The following SNX13 variants were observed in gnomAD, a reference collection of about 807,000 sequenced individuals.
SNX13 encodes the protein sorting nexin-13.
A neutral mutation model predicts 133.6 loss-of-function variants in SNX13; 45 were observed. The ratio of observed to expected loss-of-function variants is 0.34; its 90% confidence interval spans 0.27 to 0.43. The LOEUF is 0.43. Ranked by LOEUF, SNX13 falls within the 20% of genes least tolerant of loss-of-function variation. The probability of loss-of-function intolerance (pLI) is 1.00; values close to 1 mark genes in which losing one functional copy is unlikely to be tolerated. For synonymous variants in SNX13, 414 were observed against 373.9 expected (o/e 1.11, Z -1.24); for missense variants, 1,032 against 1,145.1 (o/e 0.90, Z 1.43).
In SNX13 at chr7:17,931,194, C is replaced by T. The variant is rs555258532; in HGVS notation, c.12+9090G>A. Among the ~76,000 whole-genome samples the T allele has an allele frequency of 1.8e-4, 28 of 152,236 alleles. No homozygotes were observed. In the South Asian group the frequency reaches 1.9e-3, roughly 10 times the overall value. On this transcript the variant is annotated intron_variant, in intron 1 of 25. Transcript: ENST00000428135. The stretch of plus-strand genomic sequence containing the variant: ...AAATAGCTGATTATATTAATAGTTG[C>T]AGTCTGAATTAAACACCAGTTGTGT...
intron 5 of SNX13, among the ~76,000 whole-genome samples, chr7:17,887,789 G>A (rs1487522891): frequency 1.3e-5 from 2 of 150,704 alleles, no homozygotes; most frequent in African/African-American, 2.4e-5. Context: ...GAAATCATGG[G>A]TTCTAAACAT....
rs1019845463 is a variant in SNX13 at position 17,837,584 on chromosome 7, A to G, written c.1359+2223T>C. Among the ~76,000 whole-genome samples, 16 of 152,174 alleles carry G rather than the reference A, an allele frequency of 1.1e-4. No homozygotes were observed. In the South Asian group the frequency reaches 1.4e-3, roughly 14 times the overall value. On this transcript the variant is annotated intron_variant, in intron 13 of 25. Coordinates refer to ENST00000428135, the MANE Select transcript of SNX13 (RefSeq NM_015132.5). ...TATATATGGCTTGTTTGGTAGGTAGATCAACTGTTTGTCAATCAGGTCTTT... is the reference window on the plus strand; with the variant it reads ...TATATATGGCTTGTTTGGTAGGTAGGTCAACTGTTTGTCAATCAGGTCTTT...
rs111263894 is a variant in SNX13, at chr7:17,846,198, T to C, written c.1066-504A>G. ...TTCCAGACTCTCTAAACAGTGAATT[T>C]CAGACATACTTTTCAAAGTCACAGA... is the stretch of plus-strand genomic sequence containing the variant. On this transcript the variant is annotated intron_variant, in intron 11 of 25. Transcript: ENST00000428135. Among the ~76,000 whole-genome samples the C allele has an allele frequency of 1.7e-3, 256 of 152,136 alleles. 3 individuals are homozygous for C. Among genetic ancestry groups the C allele is most frequent in the African/African-American group, 5.7e-3 (238 of 41,504 alleles).
At chr7:17,882,847 C>A (rs964302648) in intron 5 of SNX13, 6 of 1,283,348 alleles carry the variant, frequency 4.7e-6, no homozygotes, top group Non-Finnish European at 6.1e-6. Flanking sequence ...ACAGTGAGAC[C>A]AAGGTTTTGT....
intron 5 of SNX13, among the ~76,000 whole-genome samples, chr7:17,878,850 T>C (rs539064669): frequency 4.0e-4 from 61 of 152,298 alleles, no homozygotes; most frequent in Non-Finnish European, 7.2e-4. Flanking sequence ...ATTTGTCAAG[T>C]GCAAATATGC....
intron 13 of SNX13, among the ~76,000 whole-genome samples, chr7:17,839,500 T>C (rs997700032): frequency 6.6e-6 from 1 of 151,934 alleles, no homozygotes; most frequent in Admixed American, 6.6e-5. Flanking sequence ...TATATATACG[T>C]ACTCTCTTTT....
chr7:17,919,957 C>A (rs1285539695), intron 1 of SNX13, among the ~76,000 whole-genome samples: 1 of 151,826 alleles, frequency 6.6e-6, no homozygotes, highest in Admixed American at 6.6e-5. Flanking sequence ...AGTGTAAGAC[C>A]CCCATCTCTA....
chr7:17,867,723 T>C (rs998979768), intron 9 of SNX13, among the ~76,000 whole-genome samples: 1 of 152,074 alleles, frequency 6.6e-6, no homozygotes, highest in Admixed American at 6.6e-5. Flanking sequence ...TACACTGAGT[T>C]AAAGGAAGAC....
At chr7:17,839,032 A>C (rs185381912) in intron 13 of SNX13, among the ~76,000 whole-genome samples, 19 of 149,846 alleles carry the variant, frequency 1.3e-4, no homozygotes, top group Admixed American at 6.7e-4. Context: ...ATTAGATTAG[A>C]ATTATTACAA....
chr7:17,856,246 T>C (rs1359486170), intron 9 of SNX13, among the ~76,000 whole-genome samples: 1 of 152,236 alleles, frequency 6.6e-6, no homozygotes, highest in African/African-American at 2.4e-5. Flanking sequence ...TTGTCATCAG[T>C]TCAAAATAAC....
chr7:17,821,518 G>A lies in SNX13; in HGVS notation c.1836C>T (p.Ile612=). ...TTTAAAACTTCATTACCTGTTCAGTGATTCTCATGTGGAAGTCATGGAAGT... is the reference window on the plus strand; with the variant it reads ...TTTAAAACTTCATTACCTGTTCAGTAATTCTCATGTGGAAGTCATGGAAGT... ...YSDFHDFHMR[I]TEQFESLSSI... is the part of the protein sequence containing the mutation. Residue 612 remains isoleucine (I), a synonymous_variant, in exon 18 of 26, where the codon ATC becomes ATT. Coordinates refer to ENST00000428135, the MANE Select transcript of SNX13 (RefSeq NM_015132.5). 1 of 1,611,098 alleles carries A rather than the reference G, an allele frequency of 6.2e-7. No homozygotes were observed. The highest frequency in any genetic ancestry group is 8.5e-7 in the Non-Finnish European group (1 of 1,178,732).
intron 9 of SNX13, among the ~76,000 whole-genome samples, chr7:17,852,150 G>A (rs1791290742): frequency 6.6e-6 from 1 of 152,214 alleles, no homozygotes; most frequent in African/African-American, 2.4e-5. Context: ...AAGGCGGGCG[G>A]ATCACCTGAA....
At chr7:17,916,175 G>A (rs993347071) in intron 1 of SNX13, among the ~76,000 whole-genome samples, 9 of 134,798 alleles carry the variant, frequency 6.7e-5, no homozygotes, top group African/African-American at 2.3e-4. Context: ...AGCACTAAAC[G>A]TCTACACCAA....
intron 20 of SNX13, among the ~76,000 whole-genome samples, chr7:17,806,488 G>A (rs1478263509): frequency 6.6e-6 from 1 of 152,132 alleles, no homozygotes; most frequent in Non-Finnish European, 1.5e-5. Context: ...AATAAAGTTG[G>A]AAACCCCAAA....
rs1421775394 is a variant in SNX13, at chr7:17,796,910, G to C, written c.2543C>G (p.Ala848Gly). Reference sequence around the variant, plus strand: ...TTTATCTCTGCATGGAACAGCCTCTGCTAAAATGCCATTTGGCCAAAATGC... The same window carrying C: ...TTTATCTCTGCATGGAACAGCCTCTCCTAAAATGCCATTTGGCCAAAATGC... ...RDAFWPNGIL[A>G]EAVPCRDKSI... The change falls in exon 25 of 26, where the codon GCA becomes GGA. Residue 848 changes from alanine (A) to glycine (G), a missense_variant. Coordinates refer to ENST00000428135, the MANE Select transcript of SNX13 (RefSeq NM_015132.5). The C allele has an allele frequency of 6.8e-6, 11 of 1,610,774 alleles. No individual in the cohort carries two copies. The highest frequency in any genetic ancestry group is 3.3e-5 in the Admixed American group (2 of 59,886).
chr7:17,915,602 G>A (rs925423238), intron 1 of SNX13, among the ~76,000 whole-genome samples: 14 of 137,172 alleles, frequency 1.0e-4, no homozygotes, highest in Non-Finnish European at 1.9e-4. Flanking sequence ...TGACCTTGGA[G>A]GTGTGTCTCT....
chr7:17,830,720 T>C (rs954118288), intron 15 of SNX13: 8 of 974,554 alleles, frequency 8.2e-6, no homozygotes, highest in Non-Finnish European at 9.8e-6. Flanking sequence ...TAGAGTTCTA[T>C]TATAAATCTA....
intron 9 of SNX13, among the ~76,000 whole-genome samples, chr7:17,865,161 G>A (rs1484703194): frequency 1.3e-5 from 2 of 152,126 alleles, no homozygotes; most frequent in African/African-American, 4.8e-5. Flanking sequence ...TCACCTGAAA[G>A]TATAAAACTC....
Position 17,825,934 on chromosome 7 carries a change from TG to T in SNX13, c.1705+87del, listed in dbSNP as rs938343182. On this transcript the variant is annotated intron_variant, in intron 17 of 25. Transcript: ENST00000428135. The stretch of plus-strand genomic sequence containing the variant: ...AAACTATGACTAGAGAACAAAAAAA[TG>T]GTTAGTAAAAATTAAGTGTGGAAAA... 10 of 887,616 alleles carry T rather than the reference TG, an allele frequency of 1.1e-5. No homozygotes were observed. In the African/African-American group the frequency reaches 1.7e-4, roughly 15 times the overall value. 55.0% of individuals were successfully genotyped at this position (887,616 alleles called of 1,614,324 possible).
Sources: allele counts gnomAD v4.1 joint callset (sites outside exome capture counted in the v4.1 genomes callset), GRCh38; gene constraint gnomAD v4.1.1; transcripts MANE v1.5; gene names NCBI Gene and HGNC (gene_info 2026-07-23, HGNC 2026-07-21).